The following DOK5 variants were observed in gnomAD, a reference collection of about 807,000 sequenced individuals.
DOK5 encodes downstream of tyrosine kinase 5.
Under a neutral mutation model 43.3 loss-of-function variants are expected in DOK5, and 27 were observed. That is an observed-to-expected ratio of 0.62 (90% CI 0.46 to 0.86). The LOEUF (loss-of-function observed/expected upper bound fraction) is 0.86. DOK5 is among the 40% of genes least tolerant of loss of function. The probability of loss-of-function intolerance (pLI) is 0.00; values close to 1 mark genes in which losing one functional copy is unlikely to be tolerated. For synonymous variants in DOK5, 146 were observed against 140.1 expected, an observed-to-expected ratio of 1.04 and a Z score of -0.30; for missense variants, 373 against 392.9, an observed-to-expected ratio of 0.95 and a Z score of 0.43.
intron 1 of DOK5, among the ~76,000 whole-genome samples, chr20:54,538,039 A>G (rs991366912): frequency 2.6e-5 from 4 of 151,618 alleles, no homozygotes; most frequent in South Asian, 2.1e-4. Flanking sequence ...GGGTTTCACC[A>G]TGTTGGTCAG....
chr20:54,525,295 T>A (rs1034094), intron 1 of DOK5, among the ~76,000 whole-genome samples: 5,513 of 152,254 alleles, frequency 0.036, 328 homozygotes, highest in African/African-American at 0.13. Context: ...CAGGGACAAA[T>A]GGGAATATAC....
intron 1 of DOK5, among the ~76,000 whole-genome samples, chr20:54,481,774 C>T (rs908623835): frequency 6.6e-6 from 1 of 152,180 alleles, no homozygotes; most frequent in Non-Finnish European, 1.5e-5. Flanking sequence ...CGTTAAAATC[C>T]CAACTCACTG....
intron 2 of DOK5, among the ~76,000 whole-genome samples, chr20:54,563,582 C>T (rs958369505): frequency 4.6e-5 from 7 of 151,716 alleles, no homozygotes; most frequent in African/African-American, 7.3e-5. Flanking sequence ...TGTTCTGATA[C>T]TGAGACTGAT....
chr20:54,567,936 A>C (rs1182831839), intron 2 of DOK5, among the ~76,000 whole-genome samples: 1 of 152,160 alleles, frequency 6.6e-6, no homozygotes, highest in Non-Finnish European at 1.5e-5. Context: ...AATTTGTATT[A>C]AATTTTAAGG....
intron 1 of DOK5, among the ~76,000 whole-genome samples, chr20:54,510,688 T>G (rs1982984025): frequency 6.6e-6 from 1 of 152,190 alleles, no homozygotes; most frequent in South Asian, 2.1e-4. Flanking sequence ...CCCCGCTGCC[T>G]TGCTTGAGTT....
chr20:54,519,998 A>G (rs1255841452), intron 1 of DOK5, among the ~76,000 whole-genome samples: 3 of 152,188 alleles, frequency 2.0e-5, no homozygotes, highest in African/African-American at 4.8e-5. Flanking sequence ...TATGGTGCAC[A>G]TACCTGCCCA....
chr20:54,565,306 G>A (rs1439463274), intron 2 of DOK5, among the ~76,000 whole-genome samples: 8 of 152,142 alleles, frequency 5.3e-5, no homozygotes, highest in Non-Finnish European at 1.0e-4. Context: ...ACAATATACT[G>A]TAATAAAAGT....
At chr20:54,644,723 A>AAAAAAACAC (rs1555839841) in intron 7 of DOK5, among the ~76,000 whole-genome samples, 1 of 142,402 alleles carries the variant, frequency 7.0e-6, no homozygotes, top group Non-Finnish European at 1.5e-5. Flanking sequence ...AAAAAAAAAA[A>AAAAAAACAC]ACAAAATTTA....
At chr20:54,479,245 A>G (rs1981565625) in intron 1 of DOK5, among the ~76,000 whole-genome samples, 1 of 152,184 alleles carries the variant, frequency 6.6e-6, no homozygotes, top group Non-Finnish European at 1.5e-5. Flanking sequence ...TTAATGAAAT[A>G]TAATTCATTT....
At chr20:54,554,171 T>C (rs1372152032) in intron 1 of DOK5, among the ~76,000 whole-genome samples, 1 of 152,138 alleles carries the variant, frequency 6.6e-6, no homozygotes. Context: ...ATATAGATGA[T>C]TTCCAAGAAA....
At chr20:54,603,445 T>G (rs1211679145) in intron 5 of DOK5, among the ~76,000 whole-genome samples, 1 of 152,232 alleles carries the variant, frequency 6.6e-6, no homozygotes, top group African/African-American at 2.4e-5. Context: ...GTCATCCCAG[T>G]CTGTACTGAA....
At chr20:54,548,037 G>A (rs1984402730) in intron 1 of DOK5, among the ~76,000 whole-genome samples, 1 of 152,102 alleles carries the variant, frequency 6.6e-6, no homozygotes, top group Non-Finnish European at 1.5e-5. Flanking sequence ...CATTTAGCAG[G>A]TGGAGGCCAG....
intron 1 of DOK5, among the ~76,000 whole-genome samples, chr20:54,505,942 G>A (rs1038010684): frequency 1.3e-5 from 2 of 152,118 alleles, no homozygotes; most frequent in African/African-American, 2.4e-5. Context: ...CCACAGACAG[G>A]ATGTTGCATT....
At chr20:54,649,876 A>G (rs1198447311) in intron 7 of DOK5, among the ~76,000 whole-genome samples, 1 of 152,236 alleles carries the variant, frequency 6.6e-6, no homozygotes, top group African/African-American at 2.4e-5. Flanking sequence ...TCTTTCTAGA[A>G]AATGCTTGAC....
chr20:54,618,879 T>C, intron 6 of DOK5, among the ~76,000 whole-genome samples: 1 of 150,794 alleles, frequency 6.6e-6, no homozygotes, highest in East Asian at 2.0e-4. Flanking sequence ...TAGCCCAGCA[T>C]GATGGTGCAT....
At chr20:54,647,779 T>G (rs1424890734) in intron 7 of DOK5, among the ~76,000 whole-genome samples, 1 of 152,148 alleles carries the variant, frequency 6.6e-6, no homozygotes, top group Non-Finnish European at 1.5e-5. Flanking sequence ...ATCAATAATT[T>G]CAGGGCTCTG....
At chr20:54,569,419 A>G (rs1342413535) in intron 2 of DOK5, among the ~76,000 whole-genome samples, 2 of 152,194 alleles carry the variant, frequency 1.3e-5, no homozygotes, top group Non-Finnish European at 2.9e-5. Flanking sequence ...TCAATACACC[A>G]TAATCTGTTT....
intron 1 of DOK5, among the ~76,000 whole-genome samples, chr20:54,480,093 C>T (rs755809248): frequency 4.6e-5 from 7 of 152,104 alleles, no homozygotes; most frequent in Non-Finnish European, 7.3e-5. Context: ...CTTCTCAATA[C>T]AGTAAAGTGT....
intron 1 of DOK5, among the ~76,000 whole-genome samples, chr20:54,483,527 T>G (rs1179585388): frequency 2.0e-5 from 3 of 152,186 alleles, no homozygotes; most frequent in Non-Finnish European, 4.4e-5. Flanking sequence ...TTAATCTGAG[T>G]AACAGGTCAA....
Sources: allele counts gnomAD v4.1 joint callset (sites outside exome capture counted in the v4.1 genomes callset), GRCh38; gene constraint gnomAD v4.1.1; transcripts MANE v1.5; gene names NCBI Gene and HGNC (gene_info 2026-07-23, HGNC 2026-07-21).